ARHGAP12: variants seen among roughly 807,000 people sequenced by gnomAD.
The protein encoded by ARHGAP12 is rho GTPase-activating protein 12.
In ARHGAP12, 64 loss-of-function variants were observed where a neutral mutation model predicts 108.6. That is an observed-to-expected ratio of 0.59 (90% CI 0.48 to 0.73). The LOEUF is 0.73. ARHGAP12 is among the 30% of genes least tolerant of loss of function. The pLI is 0.00. For synonymous variants in ARHGAP12, 312 were observed against 337.2 expected, an observed-to-expected ratio of 0.93 and a Z score of 0.82; for missense variants, 940 against 1,005.9, an observed-to-expected ratio of 0.93 and a Z score of 0.89.
intron 3 of ARHGAP12, among the ~76,000 whole-genome samples, chr10:31,866,467 G>A (rs952588838): frequency 4.6e-5 from 7 of 151,930 alleles, no homozygotes; most frequent in South Asian, 2.1e-4. Context: ...GCTTTGTGCC[G>A]GAAGTGGTTT....
intron 11 of ARHGAP12, among the ~76,000 whole-genome samples, chr10:31,820,712 TTATATA>T (rs59605145): frequency 0.066 from 7,790 of 118,200 alleles, 667 homozygotes; most frequent in African/African-American, 0.21. Context: ...TTCCATCATA[TTATATA>T]TATATATATA....
At chr10:31,831,959 A>T (rs1281095196) in intron 9 of ARHGAP12, among the ~76,000 whole-genome samples, 159 bp from the exon 10 acceptor site, 1 of 152,210 alleles carries the variant, frequency 6.6e-6, no homozygotes, top group African/African-American at 2.4e-5. Context: ...CATTAAGAAT[A>T]TAACTTTCCT....
At chr10:31,811,245 T>C (rs1456705923) in intron 15 of ARHGAP12, among the ~76,000 whole-genome samples, 2 of 152,230 alleles carry the variant, frequency 1.3e-5, no homozygotes, top group African/African-American at 2.4e-5. Context: ...CAGGTATTCA[T>C]AGCACCTAGG....
intron 3 of ARHGAP12, among the ~76,000 whole-genome samples, chr10:31,884,424 T>A (rs571039191): frequency 5.5e-4 from 83 of 152,264 alleles, no homozygotes; most frequent in African/African-American, 1.9e-3. Context: ...TTTTTTTTGG[T>A]TGAAGTACAT....
chr10:31,912,024 T>C (rs1294070423), intron 1 of ARHGAP12, among the ~76,000 whole-genome samples: 1 of 152,216 alleles, frequency 6.6e-6, no homozygotes, highest in East Asian at 1.9e-4. Flanking sequence ...CCAAATATGC[T>C]CACCCCATGG....
chr10:31,823,027 TTGA>T (rs1835473133), intron 11 of ARHGAP12, among the ~76,000 whole-genome samples: 1 of 152,074 alleles, frequency 6.6e-6, no homozygotes, highest in African/African-American at 2.4e-5. Context: ...TATTTATGGG[TTGA>T]TTTTTTAAAT....
At chr10:31,882,248 C>T (rs1349977535) in intron 3 of ARHGAP12, among the ~76,000 whole-genome samples, 1 of 152,052 alleles carries the variant, frequency 6.6e-6, no homozygotes, top group Non-Finnish European at 1.5e-5. Context: ...TTTTAGTAGC[C>T]AGAGCCTACC....
intron 4 of ARHGAP12, among the ~76,000 whole-genome samples, chr10:31,858,907 T>G (rs1837002463): frequency 6.6e-6 from 1 of 151,058 alleles, no homozygotes; most frequent in Non-Finnish European, 1.5e-5. Flanking sequence ...CAAAGGAGAG[T>G]AGGGGAAAAT....
At chr10:31,864,134 T>A (rs1309920497) in intron 3 of ARHGAP12, among the ~76,000 whole-genome samples, 1 of 151,916 alleles carries the variant, frequency 6.6e-6, no homozygotes, top group Non-Finnish European at 1.5e-5. Context: ...ACTCATAAAA[T>A]ACGTAAAAGA....
chr10:31,808,124 G>A (rs1834885507), intron 19 of ARHGAP12, among the ~76,000 whole-genome samples: 1 of 151,890 alleles, frequency 6.6e-6, no homozygotes, highest in African/African-American at 2.4e-5. Flanking sequence ...TTACAATTCA[G>A]GTAACAGTGA....
chr10:31,914,272 T>A (rs1340199772), intron 1 of ARHGAP12, among the ~76,000 whole-genome samples: 1 of 152,168 alleles, frequency 6.6e-6, no homozygotes, highest in South Asian at 2.1e-4. Context: ...TTCCCCTATG[T>A]TTTCTTTCTA....
At chr10:31,907,383 T>C (rs1839173619) in intron 3 of ARHGAP12, among the ~76,000 whole-genome samples, 1 of 151,238 alleles carries the variant, frequency 6.6e-6, no homozygotes, top group African/African-American at 2.4e-5. Context: ...ATCCCAGCTC[T>C]CTGGGAGGCC....
chr10:31,910,014 C>G (rs1839282513), intron 2 of ARHGAP12, among the ~76,000 whole-genome samples: 1 of 152,062 alleles, frequency 6.6e-6, no homozygotes, highest in Admixed American at 6.5e-5. Flanking sequence ...CAAGGAACAC[C>G]AAGGACTGCT....
chr10:31,835,050 T>C (rs902894051), intron 9 of ARHGAP12, among the ~76,000 whole-genome samples: 1 of 151,844 alleles, frequency 6.6e-6, no homozygotes, highest in African/African-American at 2.4e-5. Context: ...AATAAAAAAA[T>C]CAGCTGGGCA....
At chr10:31,858,983 T>C (rs1837005867) in intron 4 of ARHGAP12, among the ~76,000 whole-genome samples, 1 of 142,810 alleles carries the variant, frequency 7.0e-6, no homozygotes, top group East Asian at 1.9e-4. Flanking sequence ...CAGGTATCTG[T>C]GAAACTGGGG....
chr10:31,926,492 CAA>C (rs1840054544), intron 1 of ARHGAP12, among the ~76,000 whole-genome samples: 1 of 152,192 alleles, frequency 6.6e-6, no homozygotes, highest in Admixed American at 6.5e-5. Context: ...CAATTCTAGC[CAA>C]AATTGTTAAA....
At position 31,832,038 on chromosome 10, in the gene ARHGAP12, A is replaced by G. The variant is rs564326152; in HGVS notation, c.1387-238T>C. Among the ~76,000 whole-genome samples the G allele has an allele frequency of 7.9e-5, 12 of 152,298 alleles. 1 individual carries two copies. Among genetic ancestry groups the G allele is most frequent in the Admixed American group, 7.8e-4 (12 of 15,298 alleles). On this transcript the variant is annotated intron_variant, in intron 9 of 19. Coordinates refer to ENST00000344936, the MANE Select transcript of ARHGAP12 (RefSeq NM_018287.7). ...TTTTTCTCCTTAAGTCACAGCAGCT[A>G]TTAGATACTTTGCTATCAAATTAGA...
intron 3 of ARHGAP12, among the ~76,000 whole-genome samples, chr10:31,893,733 C>G (rs1838554550): frequency 6.6e-6 from 1 of 152,170 alleles, no homozygotes; most frequent in Non-Finnish European, 1.5e-5. Context: ...GGAATCCTCC[C>G]TAACTCACTT....
Position 31,811,770 on chromosome 10 carries a change from A to G in ARHGAP12, c.1951+937T>C, listed in dbSNP as rs186420634. Among the ~76,000 whole-genome samples the G allele has an allele frequency of 2.0e-4, 30 of 151,994 alleles. 1 individual carries two copies. Among genetic ancestry groups the G allele is most frequent in the Admixed American group, 1.8e-3 (27 of 15,248 alleles). ...CTGCAGCCTCTAATTCCTGTGTTCA[A>G]TCGATCCTCCCACTCAGCCTCCTAA... is the stretch of plus-strand genomic sequence containing the variant. On this transcript the variant is annotated intron_variant, in intron 15 of 19. Transcript: ENST00000344936.
Sources: gnomAD v4.1 joint callset for allele counts (sites outside exome capture counted in the v4.1 genomes callset) on GRCh38, gnomAD v4.1.1 for gene constraint, MANE v1.5 for transcripts, NCBI Gene and HGNC (gene_info 2026-07-23, HGNC 2026-07-21) for gene names.